GREB1L: variants seen among roughly 807,000 people sequenced by gnomAD.
The protein encoded by GREB1L is GREB1-like protein.
GREB1L carries 17 observed loss-of-function variants against 200.8 expected under a neutral mutation model. That is an observed-to-expected ratio of 0.08 (90% CI 0.06 to 0.13). The LOEUF (loss-of-function observed/expected upper bound fraction) is 0.13, where lower values mean the gene tolerates loss of function less well. GREB1L is among the 10% of genes least tolerant of loss of function. The pLI is 1.00. For synonymous variants in GREB1L, 789 were observed against 893.0 expected, an observed-to-expected ratio of 0.88 and a Z score of 2.08; for missense variants, 1,657 against 2,367.7, an observed-to-expected ratio of 0.70 and a Z score of 6.23.
At chr18:21,289,379 CCT>C (rs2038410249) in intron 1 of GREB1L, among the ~76,000 whole-genome samples, 1 of 151,754 alleles carries the variant, frequency 6.6e-6, no homozygotes, top group African/African-American at 2.4e-5. Context: ...AGAGAGACCT[CCT>C]CTCTCCAAAA....
At chr18:21,482,143 T>C (rs1357827858) in intron 17 of GREB1L, among the ~76,000 whole-genome samples, 1 of 152,198 alleles carries the variant, frequency 6.6e-6, no homozygotes, top group Non-Finnish European at 1.5e-5. Flanking sequence ...GGTAGTAAAA[T>C]GGATGGGAGA....
chr18:21,497,392 T>C (rs2036585885), intron 21 of GREB1L, among the ~76,000 whole-genome samples: 1 of 152,156 alleles, frequency 6.6e-6, no homozygotes. Context: ...CCTGTAATCC[T>C]AGCACTTTGG....
intron 7 of GREB1L, among the ~76,000 whole-genome samples, chr18:21,427,775 G>T (rs1371780752): frequency 6.6e-6 from 1 of 152,056 alleles, no homozygotes; most frequent in East Asian, 1.9e-4. Context: ...CCTATATTCG[G>T]GATCATGTCA....
intron 1 of GREB1L, among the ~76,000 whole-genome samples, chr18:21,284,896 T>A (rs1363812083): frequency 1.3e-5 from 2 of 152,212 alleles, no homozygotes; most frequent in Non-Finnish European, 2.9e-5. Flanking sequence ...TAGTATCCCA[T>A]TGTGGGTTTG....
intron 1 of GREB1L, among the ~76,000 whole-genome samples, chr18:21,318,125 A>T (rs1030523834): frequency 2.9e-5 from 4 of 136,606 alleles, no homozygotes; most frequent in Non-Finnish European, 6.4e-5. Flanking sequence ...AAAAAAAAAA[A>T]CAAAGAGAGA....
In GREB1L at chr18:21,517,027, C is replaced by T. The variant is rs187807667; in HGVS notation, c.5271+273C>T. Among the ~76,000 whole-genome samples, 251 of 151,944 alleles carry T rather than the reference C, an allele frequency of 1.7e-3. 2 individuals carry two copies. Among genetic ancestry groups the T allele is most frequent in the Non-Finnish European group, 3.1e-3 (211 of 67,948 alleles). On this transcript the variant is annotated intron_variant, in intron 30 of 32. Transcript: ENST00000424526. ...TAGCTGGGATTAGAGGTCCGTGCCA[C>T]CACGCTTGGATAATTTTTATATTTT...
intron 1 of GREB1L, among the ~76,000 whole-genome samples, chr18:21,359,916 C>G (rs2039558657): frequency 6.6e-6 from 1 of 152,080 alleles, no homozygotes; most frequent in Non-Finnish European, 1.5e-5. Context: ...TCAAATGTGT[C>G]ATCTGAGAGT....
chr18:21,521,555 T>C (rs563252948), intron 32 of GREB1L, among the ~76,000 whole-genome samples: 1 of 152,150 alleles, frequency 6.6e-6, no homozygotes, highest in East Asian at 1.9e-4. Context: ...TATTTATTTA[T>C]TTATTTAGAG....
At chr18:21,291,861 G>A (rs2038455896) in intron 1 of GREB1L, among the ~76,000 whole-genome samples, 1 of 151,982 alleles carries the variant, frequency 6.6e-6, no homozygotes, top group East Asian at 1.9e-4. Flanking sequence ...AAGGCTGAAA[G>A]ATTTGTTAAG....
At chr18:21,412,633 C>G (rs763565638) in intron 7 of GREB1L, among the ~76,000 whole-genome samples, 2 of 152,092 alleles carry the variant, frequency 1.3e-5, no homozygotes, top group African/African-American at 2.4e-5. Context: ...CAGTGATCAC[C>G]TCTGGGCAGA....
At chr18:21,257,369 C>A (rs927437357) in intron 1 of GREB1L, among the ~76,000 whole-genome samples, 10 of 152,152 alleles carry the variant, frequency 6.6e-5, no homozygotes, top group Admixed American at 5.9e-4. Flanking sequence ...CTTTCCCCCC[C>A]TTGTTCATTT....
intron 1 of GREB1L, among the ~76,000 whole-genome samples, chr18:21,260,187 T>C (rs2037867634): frequency 1.3e-5 from 2 of 151,998 alleles, no homozygotes; most frequent in African/African-American, 2.4e-5. Flanking sequence ...AAATTTGGAT[T>C]TTCAGCAATT....
chr18:21,344,608 G>C (rs2039317792), intron 1 of GREB1L, among the ~76,000 whole-genome samples: 1 of 152,168 alleles, frequency 6.6e-6, no homozygotes, highest in Non-Finnish European at 1.5e-5. Flanking sequence ...AAGTATACAA[G>C]TAGTACTGTG....
chr18:21,493,252 T>C (rs2036410799), intron 19 of GREB1L, among the ~76,000 whole-genome samples: 1 of 152,244 alleles, frequency 6.6e-6, no homozygotes, highest in South Asian at 2.1e-4. Flanking sequence ...TATCCTGTTA[T>C]GTATTGTGGT....
Position 21,262,421 on chromosome 18 carries a change from C to G in GREB1L, c.-120+20028C>G, listed in dbSNP as rs563927525. Among the ~76,000 whole-genome samples, 18 of 152,140 alleles carry G rather than the reference C, an allele frequency of 1.2e-4. No homozygotes were observed. In the East Asian group the frequency reaches 2.1e-3, roughly 18 times the overall value. On this transcript the variant is annotated intron_variant, in intron 1 of 32. Coordinates refer to ENST00000424526, the MANE Select transcript of GREB1L (RefSeq NM_001142966.3). Reference sequence around the variant, plus strand: ...GGTTACTTATGTGGTTGGGCTTTTCCCATCCCAGATGGAGTATGTGAATAC... The same window carrying G: ...GGTTACTTATGTGGTTGGGCTTTTCGCATCCCAGATGGAGTATGTGAATAC...
At chr18:21,392,352 ATT>A (rs34463096) in intron 4 of GREB1L, among the ~76,000 whole-genome samples, 1 of 150,936 alleles carries the variant, frequency 6.6e-6, no homozygotes, top group African/African-American at 2.4e-5. Flanking sequence ...GACACAGCAG[ATT>A]TTTTTTTTCC....
chr18:21,435,792 A>C (rs1418129146), intron 7 of GREB1L, among the ~76,000 whole-genome samples: 3 of 152,142 alleles, frequency 2.0e-5, no homozygotes, highest in Admixed American at 6.5e-5. Flanking sequence ...AGAAATGTGG[A>C]TTTCACTCTA....
intron 1 of GREB1L, among the ~76,000 whole-genome samples, chr18:21,291,956 A>G (rs556916596): frequency 6.6e-6 from 1 of 152,208 alleles, no homozygotes; most frequent in Non-Finnish European, 1.5e-5. Context: ...AGGATACAGG[A>G]TGGGCTTGGA....
chr18:21,314,047 T>A (rs1467921573), intron 1 of GREB1L, among the ~76,000 whole-genome samples: 1 of 152,228 alleles, frequency 6.6e-6, no homozygotes, highest in East Asian at 1.9e-4. Flanking sequence ...TTTCCCTGAC[T>A]GGCTATAGCA....
Sources: allele counts gnomAD v4.1 joint callset (sites outside exome capture counted in the v4.1 genomes callset), GRCh38; gene constraint gnomAD v4.1.1; transcripts MANE v1.5; gene names NCBI Gene and HGNC (gene_info 2026-07-23, HGNC 2026-07-21).